The following PACS2 variants were observed in gnomAD, a reference collection of about 807,000 sequenced individuals.
PACS2 encodes the protein phosphofurin acidic cluster sorting protein 2.
Under a neutral mutation model 113.0 loss-of-function variants are expected in PACS2, and 36 were observed. That is an observed-to-expected ratio of 0.32 (90% CI 0.24 to 0.42). PACS2 has a LOEUF of 0.42. Ranked by LOEUF, PACS2 falls within the 10% of genes least tolerant of loss-of-function variation. The probability of loss-of-function intolerance (pLI) is 1.00; values close to 1 mark genes in which losing one functional copy is unlikely to be tolerated. For synonymous variants in PACS2, 589 were observed against 536.1 expected, an observed-to-expected ratio of 1.10 and a Z score of -1.36; for missense variants, 1,015 against 1,239.5, an observed-to-expected ratio of 0.82 and a Z score of 2.72.
intron 1 of PACS2, among the ~76,000 whole-genome samples, chr14:105,316,077 T>C (rs2058608561): frequency 6.6e-6 from 1 of 152,060 alleles, no homozygotes; most frequent in Non-Finnish European, 1.5e-5. Flanking sequence ...TCTCTGAGCG[T>C]GGTGTTGGAG....
chr14:105,303,307 G>A (rs1266803236), intron 1 of PACS2, among the ~76,000 whole-genome samples: 3 of 151,816 alleles, frequency 2.0e-5, no homozygotes, highest in African/African-American at 7.3e-5. Flanking sequence ...GCAGTGGTGC[G>A]ATCTTGGCTC....
At chr14:105,341,235 C>G (rs1465351218) in intron 1 of PACS2, among the ~76,000 whole-genome samples, 9 of 152,210 alleles carry the variant, frequency 5.9e-5, no homozygotes, top group Admixed American at 1.3e-4. Flanking sequence ...TCCTGTATGC[C>G]TCTCGCTTCT....
chr14:105,384,089 C>T (rs782581903), intron 16 of PACS2: 13 of 477,850 alleles, frequency 2.7e-5, no homozygotes, highest in Non-Finnish European at 4.2e-5. Context: ...GGCCTCTGCA[C>T]GGTCACATGT....
At chr14:105,313,912 T>A (rs2058429668), upstream of PACS2, among the ~76,000 whole-genome samples, 1 of 152,218 alleles carries the variant, frequency 6.6e-6, no homozygotes. Flanking sequence ...CATTGCCTCC[T>A]CTTTGCTTGG....
At position 105,323,886 on chromosome 14, in the gene PACS2, G is replaced by A. The variant is rs771577734; in HGVS notation, c.119+8849G>A. Reference sequence around the variant, plus strand: ...GTAGCCCTGGAGGCCTTGGGGATTCGGAGGACCTGGCCCATCGCCGTGGCC... The same window carrying A: ...GTAGCCCTGGAGGCCTTGGGGATTCAGAGGACCTGGCCCATCGCCGTGGCC... On this transcript the variant is annotated intron_variant, in intron 1 of 24. Coordinates refer to ENST00000447393, the MANE Select transcript of PACS2 (RefSeq NM_001100913.3). This position sits in a 1 kb window ranked among gnomAD's most constrained non-coding sequence, Gnocchi z 4.1. Among the ~76,000 whole-genome samples the A allele has an allele frequency of 8.5e-5, 13 of 152,202 alleles. No individual in the cohort carries two copies. The highest frequency in any genetic ancestry group is 1.0e-4 in the Non-Finnish European group (7 of 68,038).
At chr14:105,321,198 T>C (rs1437436498) in intron 1 of PACS2, among the ~76,000 whole-genome samples, 3 of 152,140 alleles carry the variant, frequency 2.0e-5, no homozygotes, top group African/African-American at 7.2e-5. Flanking sequence ...AAAAGGAATG[T>C]GTGTTTGGCA....
In PACS2 at chr14:105,390,159, G is replaced by A. The variant is rs765565936; in HGVS notation, c.2076+156G>A. ...TCCCATCTGGCCTGTCTCAAAGCTC[G>A]CTTCCTTCCCTGCTGGAGTGGGGTG... is the stretch of plus-strand genomic sequence containing the variant. On this transcript the variant is annotated intron_variant, in intron 20 of 24. Transcript: ENST00000447393. The A allele has an allele frequency of 1.8e-3, 1,362 of 745,668 alleles. 1 individual carries two copies. The highest frequency in any genetic ancestry group is 2.8e-3 in the Non-Finnish European group (1,162 of 413,460). 46.2% of individuals were successfully genotyped at this position (745,668 alleles called of 1,614,324 possible). A position where few individuals can be genotyped will look rare whatever the true frequency, so the allele number is the denominator to read the frequency against.
At chr14:105,338,599 G>A (rs1286209211) in intron 1 of PACS2, among the ~76,000 whole-genome samples, 3 of 152,120 alleles carry the variant, frequency 2.0e-5, no homozygotes, top group Non-Finnish European at 2.9e-5. Flanking sequence ...CCTGGAGGGA[G>A]GTCCCCTGCC....
chr14:105,321,037 C>G (rs1307101974), intron 1 of PACS2, among the ~76,000 whole-genome samples: 1 of 152,184 alleles, frequency 6.6e-6, no homozygotes, highest in African/African-American at 2.4e-5. Context: ...CCTGTAATTC[C>G]AGCTACTCAG....
At chr14:105,304,435 G>T (rs2058121179) in intron 1 of PACS2, among the ~76,000 whole-genome samples, 1 of 152,098 alleles carries the variant, frequency 6.6e-6, no homozygotes. Context: ...TTGTGGTGAG[G>T]CGAGATGGCG....
In PACS2 at chr14:105,361,269, G is replaced by A. The variant is rs587724582; in HGVS notation, c.424-5944G>A. Among the ~76,000 whole-genome samples, 6 of 151,850 alleles carry A rather than the reference G, an allele frequency of 4.0e-5. No homozygotes were observed. In the East Asian group the frequency reaches 7.8e-4, roughly 20 times the overall value. ...AGCACTTTGGGAGGCCAAGGTGGGC[G>A]GATCATTTGAGGTCAGGAGTTCTAA... is the stretch of plus-strand genomic sequence containing the variant. On this transcript the variant is annotated intron_variant, in intron 4 of 24. Coordinates refer to ENST00000447393, the MANE Select transcript of PACS2 (RefSeq NM_001100913.3).
In PACS2 at chr14:105,324,540, A is replaced by C; in HGVS notation, c.119+9503A>C. ...AGCAGCTGCTCTGAGAGGCAGCCCT[A>C]AAAATAGCCGAGCGCTGAGAGGCCG... On this transcript the variant is annotated intron_variant, in intron 1 of 24. Transcript: ENST00000447393. This position sits in a 1 kb window ranked among gnomAD's most constrained non-coding sequence, Gnocchi z 4.7. 6.6e-6 allele frequency among the ~76,000 whole-genome samples: 1 copy of C among 152,086 alleles called. No homozygotes were observed. Among genetic ancestry groups the C allele is most frequent in the Non-Finnish European group, 1.5e-5 (1 of 67,996 alleles).
At chr14:105,314,450 G>C (rs922736517), upstream of PACS2, 4 of 148,764 alleles carry the variant, frequency 2.7e-5, no homozygotes, top group African/African-American at 9.9e-5. Context: ...CCTTGCCCGC[G>C]GCTCCCGGGG....
intron 4 of PACS2, among the ~76,000 whole-genome samples, chr14:105,363,604 TTCAA>T (rs1376151427): frequency 1.3e-5 from 2 of 152,120 alleles, no homozygotes; most frequent in Admixed American, 6.5e-5. Flanking sequence ...TGTTGTCTGG[TTCAA>T]TCTTCATCCC....
intron 19 of PACS2, chr14:105,389,416 C>G: frequency 6.2e-6 from 1 of 161,038 alleles, no homozygotes; most frequent in East Asian, 1.7e-4. Flanking sequence ...CAGCCAAAGC[C>G]TGGCCTCTTA....
At chr14:105,352,522 G>A in intron 3 of PACS2, 55 bp downstream of exon 3, 1 of 1,103,900 alleles carries the variant, frequency 9.1e-7, no homozygotes, top group Non-Finnish European at 1.4e-6. Flanking sequence ...TGGGGAGACG[G>A]GCCCCCCTCA....
At chr14:105,351,663 C>T (rs1427641139) in intron 2 of PACS2, among the ~76,000 whole-genome samples, 1 of 152,120 alleles carries the variant, frequency 6.6e-6, no homozygotes, top group Non-Finnish European at 1.5e-5. Flanking sequence ...CATGACTAAT[C>T]CTTGTCTCTT....
chr14:105,352,588 C>T (rs1475733823), intron 3 of PACS2, 121 bp downstream of exon 3: 11 of 567,646 alleles, frequency 1.9e-5, no homozygotes, highest in Admixed American at 1.7e-4. Flanking sequence ...GGGTGATGGG[C>T]CCCCCTCATC....
intron 2 of PACS2, among the ~76,000 whole-genome samples, chr14:105,349,818 A>T (rs2060087043): frequency 6.6e-6 from 1 of 151,780 alleles, no homozygotes; most frequent in African/African-American, 2.4e-5. Context: ...TAATAGCAGG[A>T]CCCCAAGAAC....
Sources: gnomAD v4.1 joint callset for allele counts (sites outside exome capture counted in the v4.1 genomes callset) on GRCh38, gnomAD v4.1.1 for gene constraint, Gnocchi (gnomAD v3.1) non-coding constraint, MANE v1.5 for transcripts, NCBI Gene and HGNC (gene_info 2026-07-23, HGNC 2026-07-21) for gene names.